The following ZNF793 variants were observed in gnomAD, a reference collection of about 807,000 sequenced individuals.
ZNF793 encodes zinc finger protein 793.
Under a neutral mutation model 12.4 loss-of-function variants are expected in ZNF793, and 5 were observed. That is an observed-to-expected ratio of 0.40 (90% CI 0.21 to 0.84). ZNF793 has a LOEUF of 0.84. Among genes scored for constraint, ZNF793 ranks in the 40% least tolerant of loss-of-function variants. The pLI is 0.35. For synonymous variants in ZNF793, 162 were observed against 172.4 expected (o/e 0.94, Z 0.47); for missense variants, 456 against 495.0 (o/e 0.92, Z 0.75).
chr19:37,519,608 T>C (rs1057337467), intron 2 of ZNF793, among the ~76,000 whole-genome samples: 5 of 152,132 alleles, frequency 3.3e-5, no homozygotes, highest in African/African-American at 1.2e-4. Context: ...AGCCTCAATA[T>C]AGAAAGAACA....
rs1393782258 is a variant in ZNF793 at position 37,537,029 on chromosome 19, T to G, written c.371T>G (p.Leu124Arg). 1 of 1,613,970 alleles carries G rather than the reference T, an allele frequency of 6.2e-7. No homozygotes were observed. Among genetic ancestry groups the G allele is most frequent in the South Asian group, 1.1e-5 (1 of 91,072 alleles). ...CEYNKFGKIS[L>R]LSTDLFSSIQ... Reference sequence around the variant, plus strand: ...TATAATAAGTTTGGGAAAATATCACTTCTGAGCACTGATCTTTTTTCTTCA... The same window carrying G: ...TATAATAAGTTTGGGAAAATATCACGTCTGAGCACTGATCTTTTTTCTTCA... Residue 124 changes from leucine to arginine, a missense_variant, in exon 8 of 8, where the codon CTT (leucine) becomes CGT (arginine). Transcript: ENST00000627814.
intron 2 of ZNF793, among the ~76,000 whole-genome samples, chr19:37,517,433 G>A (rs1338298655): frequency 6.9e-6 from 1 of 145,498 alleles, no homozygotes; most frequent in Non-Finnish European, 1.5e-5. Flanking sequence ...TCCAGCCTGG[G>A]CAACAAGAGA....
At chr19:37,512,291 T>C (rs986257729) in intron 2 of ZNF793, among the ~76,000 whole-genome samples, 5 of 151,882 alleles carry the variant, frequency 3.3e-5, no homozygotes, top group Admixed American at 2.6e-4. Flanking sequence ...CCGAGGTGGG[T>C]GGATCACGAG....
intron 4 of ZNF793, 31 bp downstream of exon 4, chr19:37,522,678 T>A (rs774650027): frequency 1.3e-5 from 2 of 152,164 alleles, no homozygotes; most frequent in Non-Finnish European, 2.9e-5. Flanking sequence ...TAACTCAGTA[T>A]GGTTTTGTCT....
intron 7 of ZNF793, chr19:37,534,197 C>A (rs2042485035): frequency 6.6e-6 from 1 of 152,134 alleles, no homozygotes; most frequent in Non-Finnish European, 1.5e-5. Flanking sequence ...CTATCTATTT[C>A]CCTGGCTCAA....
intron 5 of ZNF793, among the ~76,000 whole-genome samples, chr19:37,527,828 A>G (rs1004640495): frequency 2.0e-5 from 3 of 152,186 alleles, no homozygotes; most frequent in African/African-American, 7.2e-5. Context: ...ACAGATTAAA[A>G]TCAACCAAGG....
rs1422787531 is a variant in ZNF793, at chr19:37,541,333, G to A, written c.*3454G>A. 6.6e-6 allele frequency: 1 copy of A among 152,208 alleles called. No homozygotes were observed. Among genetic ancestry groups the A allele is most frequent in the Non-Finnish European group, 1.5e-5 (1 of 68,046 alleles). 9.4% of individuals were successfully genotyped at this position (152,208 alleles called of 1,614,324 possible). A position where few individuals can be genotyped will look rare whatever the true frequency, so the allele number is the denominator to read the frequency against. ...AGGAGCCTATGTGTACAATCTAGGA[G>A]TTGGGAGATATTAACTTTACCAACA... On this transcript the variant is annotated 3_prime_UTR_variant, in exon 8 of 8. Coordinates refer to ENST00000627814, the MANE Select transcript of ZNF793 (RefSeq NM_001013659.3).
intron 7 of ZNF793, chr19:37,534,876 G>GT (rs1226234006): frequency 6.6e-6 from 1 of 152,146 alleles, no homozygotes. Flanking sequence ...TAGAGAAGGG[G>GT]TTTTGCAGTG....
intron 3 of ZNF793, among the ~76,000 whole-genome samples, chr19:37,521,566 C>T (rs1468001533): frequency 6.6e-6 from 1 of 151,612 alleles, no homozygotes; most frequent in African/African-American, 2.4e-5. Flanking sequence ...GCCTCAGCCT[C>T]CTGAGTAGCT....
intron 2 of ZNF793, among the ~76,000 whole-genome samples, chr19:37,513,876 T>G (rs2042311496): frequency 6.6e-6 from 1 of 152,190 alleles, no homozygotes; most frequent in Non-Finnish European, 1.5e-5. Context: ...TTTCTGTAGT[T>G]TTTATTTTCT....
chr19:37,515,673 G>T (rs1258882150), intron 2 of ZNF793, among the ~76,000 whole-genome samples: 1 of 152,128 alleles, frequency 6.6e-6, no homozygotes, highest in South Asian at 2.1e-4. Flanking sequence ...AATGGTAACT[G>T]AAAACACAGT....
chr19:37,509,721 G>T (rs2042278502), intron 2 of ZNF793, among the ~76,000 whole-genome samples: 1 of 152,106 alleles, frequency 6.6e-6, no homozygotes, highest in South Asian at 2.1e-4. Context: ...TAATTAAAAA[G>T]AAATTTTACA....
Position 37,538,013 on chromosome 19 carries a change from G to T in ZNF793, c.*134G>T, listed in dbSNP as rs560534069. The T allele has an allele frequency of 5.5e-6, 6 of 1,081,232 alleles. No homozygotes were observed. In the South Asian group the frequency reaches 7.0e-5, roughly 13 times the overall value. 67.0% of individuals were successfully genotyped at this position (1,081,232 alleles called of 1,614,324 possible). On this transcript the variant is annotated 3_prime_UTR_variant, in exon 8 of 8. Coordinates refer to ENST00000627814, the MANE Select transcript of ZNF793 (RefSeq NM_001013659.3). Reference sequence around the variant, plus strand: ...TGCAAGCTCTGCCTCCCGGGTTCACGCCATTCTCCTGCCTCAGCCTCCCGA... The same window carrying T: ...TGCAAGCTCTGCCTCCCGGGTTCACTCCATTCTCCTGCCTCAGCCTCCCGA...
At position 37,532,367 on chromosome 19, in the gene ZNF793, A is replaced by T. The variant is rs775341651; in HGVS notation, c.27A>T (p.Ser9=). 2 of 1,613,908 alleles carry T rather than the reference A, an allele frequency of 1.2e-6. No homozygotes were observed. Among genetic ancestry groups the T allele is most frequent in the East Asian group, 2.2e-5 (1 of 44,872 alleles). The change falls in exon 6 of 8, where the codon TCA becomes TCT. Residue 9 remains serine, a synonymous_variant. Coordinates refer to ENST00000627814, the MANE Select transcript of ZNF793 (RefSeq NM_001013659.3). The part of the protein sequence containing the change: MIEYQIPV[S]FKDVVVGFTQ... The stretch of plus-strand genomic sequence containing the variant: ...TTTTGTTTCAACAGATACCTGTGTC[A>T]TTCAAAGATGTGGTTGTGGGCTTCA...
At chr19:37,531,909 T>C (rs1439985937) in intron 5 of ZNF793, among the ~76,000 whole-genome samples, 1 of 152,148 alleles carries the variant, frequency 6.6e-6, no homozygotes, top group Non-Finnish European at 1.5e-5. Context: ...ATTTTCTTTT[T>C]CCCCACCATA....
chr19:37,509,592 C>G (rs1262463512), intron 2 of ZNF793, among the ~76,000 whole-genome samples: 1 of 149,106 alleles, frequency 6.7e-6, no homozygotes, highest in African/African-American at 2.5e-5. Context: ...GAATCAAAGA[C>G]AGATAGCTGC....
rs548812195 is a variant in ZNF793, at chr19:37,531,374, C to T, written c.16-982C>T. 10 of 153,108 alleles carry T rather than the reference C, an allele frequency of 6.5e-5. No individual in the cohort carries two copies. In the South Asian group the frequency reaches 1.9e-3, roughly 28 times the overall value. The allele number at this position is 153,108 out of a possible 1,614,324, so 9.5% of individuals were successfully genotyped here. ...TAGAGACGGGGTTTCACCATGTTGG[C>T]CAGGCTGGTCTCGAATACCTGAGCT... On this transcript the variant is annotated intron_variant, in intron 5 of 7. Transcript: ENST00000627814.
chr19:37,526,610 T>C (rs1413266727), intron 5 of ZNF793, among the ~76,000 whole-genome samples: 1 of 152,248 alleles, frequency 6.6e-6, no homozygotes, highest in East Asian at 1.9e-4. Context: ...TGGCACCCCC[T>C]GTGCGCTGTG....
chr19:37,518,033 T>C (rs1179564859), intron 2 of ZNF793, among the ~76,000 whole-genome samples: 2 of 152,220 alleles, frequency 1.3e-5, no homozygotes, highest in African/African-American at 4.8e-5. Flanking sequence ...AATAGAATTA[T>C]GCTTCACATT....
Sources: allele counts gnomAD v4.1 joint callset (sites outside exome capture counted in the v4.1 genomes callset), GRCh38; gene constraint gnomAD v4.1.1; transcripts MANE v1.5; gene names NCBI Gene and HGNC (gene_info 2026-07-23, HGNC 2026-07-21).